The following TUBGCP5 variants were observed in gnomAD, a reference collection of about 807,000 sequenced individuals.
TUBGCP5 encodes the protein gamma-tubulin complex component 5.
In TUBGCP5, 98 loss-of-function variants were observed where a neutral mutation model predicts 134.7. The observed-to-expected ratio is 0.73, with a 90% CI of 0.62 to 0.86. TUBGCP5 has a LOEUF of 0.86. TUBGCP5 is among the 40% of genes least tolerant of loss of function. The pLI is 0.00. For missense variants in TUBGCP5, 1,150 were observed against 1,244.8 expected, an observed-to-expected ratio of 0.92 and a Z score of 1.15; for synonymous variants, 456 against 431.4, an observed-to-expected ratio of 1.06 and a Z score of -0.71.
At chr15:23,022,253 A>T in intron 10 of TUBGCP5, 92 bp from the exon 11 acceptor site, 2 of 1,348,226 alleles carry the variant, frequency 1.5e-6, no homozygotes, top group South Asian at 1.2e-5. Flanking sequence ...AGGCTTATGG[A>T]CAGGCAGGGC....
chr15:23,036,841 T>C, intron 3 of TUBGCP5, 56 bp downstream of exon 3: 1 of 1,163,818 alleles, frequency 8.6e-7, no homozygotes, highest in East Asian at 2.4e-5. Flanking sequence ...AAATTGACGA[T>C]AATCAGATAG....
chr15:22,993,525 G>GTTTTTTTTTTTTTTTTTT lies in TUBGCP5; in HGVS notation c.*61+3302_*61+3319dup, dbSNP rs71414252. ...TAATCCTCCCACCTCAGCCCCCGAAGTTTTTTTTTTTTTTTTTTTTTTTTT... is the reference window on the plus strand; with the variant it reads ...TAATCCTCCCACCTCAGCCCCCGAAGTTTTTTTTTTTTTTTTTTTTTTTTTTTTTTTTTTTTTTTTTTT... On this transcript the variant is annotated intron_variant and NMD_transcript_variant, in intron 23 of 23. Transcript: ENST00000614508. Among the ~76,000 whole-genome samples, 51 of 69,272 alleles carry GTTTTTTTTTTTTTTTTTT rather than the reference G, an allele frequency of 7.4e-4. 4 individuals carry two copies. The highest frequency in any genetic ancestry group is 2.3e-3 in the African/African-American group (38 of 16,740). 45.4% of individuals were successfully genotyped at this position (69,272 alleles called of 152,430 possible). A position where few individuals can be genotyped will look rare whatever the true frequency, so the allele number is the denominator to read the frequency against.
chr15:22,988,073 A>G (rs1328287536), intron 23 of TUBGCP5, among the ~76,000 whole-genome samples: 2 of 151,586 alleles, frequency 1.3e-5, no homozygotes, highest in Non-Finnish European at 2.9e-5. Flanking sequence ...TGAGTAATAC[A>G]TTTCTCCTGT....
chr15:23,018,063 TTA>T (rs1436007638), intron 12 of TUBGCP5, 22 bp from the exon 13 acceptor site: 3 of 1,584,836 alleles, frequency 1.9e-6, no homozygotes, highest in Admixed American at 3.5e-5. Flanking sequence ...CAAAAGAATT[TTA>T]AACTCTTATT....
chr15:22,992,146 C>T (rs2063864178), intron 23 of TUBGCP5, among the ~76,000 whole-genome samples: 1 of 152,146 alleles, frequency 6.6e-6, no homozygotes, highest in Non-Finnish European at 1.5e-5. Flanking sequence ...AACTTCCTCC[C>T]TGGCGTAATA....
At chr15:22,994,518 T>G (rs1416648270), downstream of TUBGCP5, among the ~76,000 whole-genome samples, 1 of 152,206 alleles carries the variant, frequency 6.6e-6, no homozygotes, top group East Asian at 1.9e-4. Flanking sequence ...TCAAGCAGTT[T>G]GAGACTCATC....
In TUBGCP5 at chr15:23,011,308, T is replaced by C. The variant is rs1452089977; in HGVS notation, c.1780A>G (p.Thr594Ala). ...GACTGTACAGATTCCAGAAAGAGAG[T>C]GTATAAACTTTTTCTTTCTGCATCT... ...ARDAERKSLY[T>A]LFLESVQSRL... The change falls in exon 14 of 23, where the codon ACT becomes GCT. Residue 594 changes from threonine (T) to alanine (A), a missense_variant. Thr to Ala is a moderately conservative substitution (Grantham distance 58, BLOSUM62 0). This residue lies in a region of TUBGCP5 where 697 missense variants were observed against 850.1 expected (regional missense o/e 0.82). Transcript: ENST00000615383. The C allele has an allele frequency of 1.9e-6, 3 of 1,611,144 alleles. No individual in the cohort carries two copies. Among genetic ancestry groups the C allele is most frequent in the African/African-American group, 2.7e-5 (2 of 74,776 alleles).
At chr15:22,989,769 T>G (rs2063792385) in intron 23 of TUBGCP5, among the ~76,000 whole-genome samples, 1 of 152,168 alleles carries the variant, frequency 6.6e-6, no homozygotes, top group South Asian at 2.1e-4. Context: ...GATCTCTTAT[T>G]TCTTGCCACA....
intron 23 of TUBGCP5, among the ~76,000 whole-genome samples, chr15:22,988,644 G>A (rs1460311658): frequency 2.0e-5 from 3 of 150,920 alleles, no homozygotes; most frequent in Non-Finnish European, 4.4e-5. Context: ...GCTGAGGCAG[G>A]AGAATGGCGT....
intron 11 of TUBGCP5, among the ~76,000 whole-genome samples, chr15:23,020,650 T>G (rs569723383): frequency 6.8e-6 from 1 of 146,196 alleles, no homozygotes; most frequent in African/African-American, 2.5e-5. Context: ...AAAAAAGTTA[T>G]ACCAACAAAC....
chr15:22,996,721 CAA>C (rs2064097048), downstream of TUBGCP5: 1 of 152,194 alleles, frequency 6.6e-6, no homozygotes, highest in African/African-American at 2.4e-5. Context: ...CTCCTGGCCT[CAA>C]GTGATCGGTC....
At chr15:22,999,952 C>T (rs938879018) in intron 22 of TUBGCP5, 86 bp from the exon 23 acceptor site, 2 of 1,270,936 alleles carry the variant, frequency 1.6e-6, no homozygotes, top group African/African-American at 1.5e-5. Context: ...CCACTGTCAC[C>T]CAGGCTGGAG....
rs1247653908 is a variant in TUBGCP5 at position 23,037,108 on chromosome 15, G to A, written c.191C>T (p.Thr64Ile). ...ATACACACTGACTTACCCTTCGATT[G>A]TTTTTTCTATTTTGTGGCTGTTGAC... ...LDVNSHKIEK[T>I]IEGIYEKFVI... The change falls in exon 2 of 23, where the codon ACA becomes ATA. Residue 64 changes from threonine (T) to isoleucine (I), a missense_variant. By Grantham distance (89) the Thr-to-Ile change is moderately conservative (BLOSUM62 -1). Transcript: ENST00000615383. The A allele has an allele frequency of 1.9e-6, 3 of 1,613,688 alleles. No individual in the cohort carries two copies. In the Admixed American group the frequency reaches 5.0e-5, roughly 27 times the overall value.
Position 23,017,766 on chromosome 15 carries a change from C to T in TUBGCP5, c.1756+7G>A. On this transcript the variant is annotated splice_region_variant and intron_variant, in intron 13 of 22. Transcript: ENST00000615383. Reference sequence around the variant, plus strand: ...CCAAGAGAGACACAGGAAGACGGAACAAGTACCTCTGGCTCCTGCCTGGCA... The same window carrying T: ...CCAAGAGAGACACAGGAAGACGGAATAAGTACCTCTGGCTCCTGCCTGGCA... 1 of 1,611,438 alleles carries T rather than the reference C, an allele frequency of 6.2e-7. No homozygotes were observed. The highest frequency in any genetic ancestry group is 8.5e-7 in the Non-Finnish European group (1 of 1,178,196).
intron 2 of TUBGCP5, 24 bp downstream of exon 2, chr15:23,037,075 G>A: frequency 1.9e-6 from 3 of 1,606,906 alleles, no homozygotes; most frequent in South Asian, 2.2e-5. Flanking sequence ...ATTTCTGGAT[G>A]CGTATATATA....
intron 13 of TUBGCP5, among the ~76,000 whole-genome samples, chr15:23,017,136 T>A (rs946019339): frequency 1.3e-5 from 2 of 151,580 alleles, no homozygotes; most frequent in Admixed American, 1.3e-4. Flanking sequence ...TGATCTCGTA[T>A]TAGTAAAAAG....
chr15:22,983,593 TCA>T (rs2063594562), exon 24 of TUBGCP5: 1 of 150,754 alleles, frequency 6.6e-6, no homozygotes, highest in African/African-American at 2.4e-5. Context: ...AGAGTGAGAC[TCA>T]CAGAGTGAGA....
intron 11 of TUBGCP5, 58 bp from the exon 12 acceptor site, chr15:23,019,392 G>A: frequency 1.7e-6 from 2 of 1,147,822 alleles, no homozygotes; most frequent in Non-Finnish European, 2.6e-6. Context: ...TAGGATAAAA[G>A]GAGGTTTAAA....
intron 3 of TUBGCP5, among the ~76,000 whole-genome samples, chr15:23,036,310 G>C (rs760225136): frequency 5.9e-5 from 9 of 152,166 alleles, no homozygotes; most frequent in Admixed American, 5.9e-4. Context: ...CTGTTACTGA[G>C]AGAATTAACT....
Sources: allele counts gnomAD v4.1 joint callset (sites outside exome capture counted in the v4.1 genomes callset), GRCh38; gene constraint gnomAD v4.1.1; regional missense constraint gnomAD v4.1.1; transcripts MANE v1.5; gene names NCBI Gene and HGNC (gene_info 2026-07-23, HGNC 2026-07-21).